The following DLGAP1 variants were observed in gnomAD, a reference collection of about 807,000 sequenced individuals.
DLGAP1 encodes DLG associated protein 1.
In DLGAP1, 11 loss-of-function variants were observed where a neutral mutation model predicts 90.8. The ratio of observed to expected loss-of-function variants is 0.12; its 90% confidence interval spans 0.08 to 0.20. DLGAP1 has a LOEUF of 0.20. Among genes scored for constraint, DLGAP1 ranks in the 10% least tolerant of loss-of-function variants. The probability of loss-of-function intolerance (pLI) is 1.00; values close to 1 mark genes in which losing one functional copy is unlikely to be tolerated. For missense variants in DLGAP1, 1,050 were observed against 1,333.8 expected (o/e 0.79, Z 3.31); for synonymous variants, 558 against 540.7 (o/e 1.03, Z -0.44).
intron 8 of DLGAP1, among the ~76,000 whole-genome samples, chr18:3,575,016 A>G (rs1599322897): frequency 6.6e-6 from 1 of 151,982 alleles, no homozygotes; most frequent in South Asian, 2.1e-4. Flanking sequence ...GGGTTTCACC[A>G]TGTTAGCCAG....
At chr18:3,772,141 T>C (rs1568106624) in intron 5 of DLGAP1, among the ~76,000 whole-genome samples, 1 of 146,894 alleles carries the variant, frequency 6.8e-6, no homozygotes, top group Non-Finnish European at 1.5e-5. Context: ...TTTCTTTCTC[T>C]CCTTCCTTCC....
chr18:3,685,612 A>T (rs1321840537), intron 7 of DLGAP1, among the ~76,000 whole-genome samples: 1 of 145,930 alleles, frequency 6.9e-6, no homozygotes, highest in African/African-American at 2.6e-5. Context: ...GTACCCTTTA[A>T]TTATTTATTT....
intron 1 of DLGAP1, among the ~76,000 whole-genome samples, chr18:4,193,343 C>A (rs2077435979): frequency 6.6e-6 from 1 of 152,078 alleles, no homozygotes; most frequent in Non-Finnish European, 1.5e-5. Flanking sequence ...GAAACTAGGT[C>A]AAAAGTAAAA....
At chr18:4,284,054 T>C (rs2079620513) in intron 1 of DLGAP1, among the ~76,000 whole-genome samples, 1 of 151,990 alleles carries the variant, frequency 6.6e-6, no homozygotes, top group Admixed American at 6.6e-5. Flanking sequence ...CTGTAGTTCC[T>C]GGTACTGAGG....
At chr18:3,938,683 G>C (rs2072696654) in intron 3 of DLGAP1, among the ~76,000 whole-genome samples, 1 of 152,174 alleles carries the variant, frequency 6.6e-6, no homozygotes. Flanking sequence ...GGAGTAGCTG[G>C]AGCATTGGAA....
chr18:3,779,268 G>C (rs2148106080), intron 5 of DLGAP1, among the ~76,000 whole-genome samples: 1 of 152,222 alleles, frequency 6.6e-6, no homozygotes, highest in South Asian at 2.1e-4. Context: ...TTAGAGACAG[G>C]GTCTGCCATG....
intron 2 of DLGAP1, among the ~76,000 whole-genome samples, chr18:4,099,296 CATCTATCTATCTATCTATCTATCTATCT>C (rs35397168): frequency 4.2e-5 from 6 of 143,948 alleles, no homozygotes; most frequent in Admixed American, 7.1e-5. Flanking sequence ...ATCTGTCTAT[CATCTATCTATCTATCTATCTATCTATCT>C]ATCTATCTAT....
intron 7 of DLGAP1, among the ~76,000 whole-genome samples, chr18:3,631,833 AG>A (rs2058536401): frequency 6.6e-6 from 1 of 152,142 alleles, no homozygotes; most frequent in South Asian, 2.1e-4. Context: ...CGCTCTGTGG[AG>A]TGCAAATGGC....
At chr18:3,898,859 C>G (rs2071718792) in intron 3 of DLGAP1, among the ~76,000 whole-genome samples, 2 of 151,712 alleles carry the variant, frequency 1.3e-5, no homozygotes, top group South Asian at 4.2e-4. Context: ...ATTCCAGAGA[C>G]ATGTACATAG....
chr18:4,186,976 C>A (rs1447511985), intron 1 of DLGAP1, among the ~76,000 whole-genome samples: 8 of 152,048 alleles, frequency 5.3e-5, no homozygotes, highest in Admixed American at 5.2e-4. Flanking sequence ...ATCACTCACA[C>A]CTCGCTGATT....
chr18:4,147,623 AT>A (rs2076608096), intron 2 of DLGAP1, among the ~76,000 whole-genome samples: 1 of 135,240 alleles, frequency 7.4e-6, no homozygotes, highest in Non-Finnish European at 1.6e-5. Flanking sequence ...CCATCCATCC[AT>A]CCATCCTTTA....
At chr18:3,797,221 A>G (rs940402848) in intron 5 of DLGAP1, among the ~76,000 whole-genome samples, 1 of 151,844 alleles carries the variant, frequency 6.6e-6, no homozygotes, top group Non-Finnish European at 1.5e-5. Flanking sequence ...AGTCCCAGCT[A>G]CTCAGGAGGC....
intron 3 of DLGAP1, among the ~76,000 whole-genome samples, chr18:3,980,083 C>T (rs182925990): frequency 2.6e-4 from 40 of 152,116 alleles, no homozygotes; most frequent in African/African-American, 9.4e-4. Context: ...TTACAGTAAG[C>T]CAAGATAGTG....
intron 5 of DLGAP1, among the ~76,000 whole-genome samples, chr18:3,753,007 G>A (rs1270167735): frequency 6.6e-6 from 1 of 151,946 alleles, no homozygotes; most frequent in Non-Finnish European, 1.5e-5. Flanking sequence ...AAAAGTTTTT[G>A]TGTCAGCGCA....
chr18:4,030,638 T>C (rs533742797), intron 2 of DLGAP1, among the ~76,000 whole-genome samples: 53 of 152,300 alleles, frequency 3.5e-4, no homozygotes, highest in African/African-American at 1.3e-3. Flanking sequence ...TGTATGCTTT[T>C]GGCTGGGTGC....
chr18:4,363,266 C>T (rs1350108985), intron 1 of DLGAP1, among the ~76,000 whole-genome samples: 1 of 152,152 alleles, frequency 6.6e-6, no homozygotes, highest in Non-Finnish European at 1.5e-5. Context: ...TCCCTGATTG[C>T]ATGTGAGTGC....
At chr18:4,150,793 A>G (rs17596781) in intron 2 of DLGAP1, among the ~76,000 whole-genome samples, 27,566 of 152,258 alleles carry the variant, frequency 0.18, 3,120 homozygotes, top group South Asian at 0.29. Flanking sequence ...GGATAAATGC[A>G]AATTTGTTCA....
chr18:4,081,989 C>T (rs2075614824), intron 2 of DLGAP1, among the ~76,000 whole-genome samples: 1 of 152,058 alleles, frequency 6.6e-6, no homozygotes, highest in Non-Finnish European at 1.5e-5. Context: ...GGGCGGATCA[C>T]CTGAGGTCAG....
At chr18:4,100,397 G>A (rs67336371) in intron 2 of DLGAP1, among the ~76,000 whole-genome samples, 44,149 of 152,064 alleles carry the variant, frequency 0.29, 6,952 homozygotes, top group African/African-American at 0.4. Context: ...CAGTGGGCTT[G>A]AAATATTCAG....
Sources: gnomAD v4.1 joint callset for allele counts (sites outside exome capture counted in the v4.1 genomes callset) on GRCh38, gnomAD v4.1.1 for gene constraint, MANE v1.5 for transcripts, NCBI Gene and HGNC (gene_info 2026-07-23, HGNC 2026-07-21) for gene names.